The following ANKRD30B variants were observed in gnomAD, a reference collection of about 807,000 sequenced individuals.
ANKRD30B encodes the protein ankyrin repeat domain 30B.
A neutral mutation model predicts 202.2 loss-of-function variants in ANKRD30B; 144 were observed. The ratio of observed to expected loss-of-function variants is 0.71; its 90% CI spans 0.62 to 0.82. The LOEUF (loss-of-function observed/expected upper bound fraction) is 0.82. Among genes scored for constraint, ANKRD30B ranks in the 40% least tolerant of loss-of-function variants. ANKRD30B has a pLI of 0.00. For missense variants in ANKRD30B, 1,487 were observed against 1,669.1 expected, an observed-to-expected ratio of 0.89 and a Z score of 1.90; for synonymous variants, 508 against 561.3, an observed-to-expected ratio of 0.91 and a Z score of 1.34.
chr18:14,821,727 G>T (rs1280271294), intron 30 of ANKRD30B, among the ~76,000 whole-genome samples: 1 of 152,184 alleles, frequency 6.6e-6, no homozygotes, highest in Non-Finnish European at 1.5e-5. Context: ...CAAGGTTCTG[G>T]AGTTACAGGC....
intron 24 of ANKRD30B, among the ~76,000 whole-genome samples, chr18:14,804,484 A>G (rs1336532575): frequency 6.7e-6 from 1 of 148,318 alleles, no homozygotes; most frequent in African/African-American, 2.5e-5. Flanking sequence ...CCTTGTTAAC[A>G]ATTCACACTG....
intron 3 of ANKRD30B, among the ~76,000 whole-genome samples, chr18:14,753,644 A>T: frequency 6.6e-6 from 1 of 152,156 alleles, no homozygotes; most frequent in African/African-American, 2.4e-5. Context: ...TAATTCATTA[A>T]TACTGGGGTT....
chr18:14,764,423 A>C (rs1210121531), intron 7 of ANKRD30B, among the ~76,000 whole-genome samples: 1 of 151,958 alleles, frequency 6.6e-6, no homozygotes, highest in Non-Finnish European at 1.5e-5. Context: ...GGAGTCTCGC[A>C]CTGTTGCCTG....
chr18:14,881,988 C>A, the ANKRD30B span, among the ~76,000 whole-genome samples: 1 of 152,048 alleles, frequency 6.6e-6, no homozygotes, highest in South Asian at 2.1e-4. Context: ...TTTGGATTTT[C>A]TCTCTTCTTT....
rs1598720523 is a variant in ANKRD30B, at chr18:14,849,009, T to A, written c.3395+80T>A. On this transcript the variant is annotated intron_variant, in intron 40 of 43. Transcript: ENST00000690538. ...AGGATACTTTTTGTAAAAGCTGACT[T>A]ACCTTCTGAGATTTAACTGGAGAAA... The A allele has an allele frequency of 5.2e-6, 7 of 1,348,592 alleles. No homozygotes were observed. In the East Asian group the frequency reaches 2.0e-4, roughly 39 times the overall value. The allele number at this position is 1,348,592 out of a possible 1,614,324, so 83.5% of individuals were successfully genotyped here.
chr18:14,875,996 T>G, the ANKRD30B span, among the ~76,000 whole-genome samples: 12 of 152,132 alleles, frequency 7.9e-5, no homozygotes, highest in Non-Finnish European at 1.0e-4. Context: ...AAGGTGGTCT[T>G]GCCTGAAACT....
At chr18:14,936,775 T>C in the ANKRD30B span, among the ~76,000 whole-genome samples, 1 of 152,176 alleles carries the variant, frequency 6.6e-6, no homozygotes, top group Non-Finnish European at 1.5e-5. Context: ...TCAGAGTAAC[T>C]GAGGCTTCAC....
chr18:14,762,443 A>C (rs1295544585), intron 6 of ANKRD30B, among the ~76,000 whole-genome samples: 1 of 152,220 alleles, frequency 6.6e-6, no homozygotes, highest in Non-Finnish European at 1.5e-5. Context: ...TGAGTGCAGA[A>C]GTCAGAAAAG....
rs1478291910 is a variant in ANKRD30B, at chr18:14,854,534, C to T, written c.*376C>T. 6.6e-6 allele frequency among the ~76,000 whole-genome samples: 1 copy of T among 152,098 alleles called. No individual in the cohort carries two copies. Among genetic ancestry groups the T allele is most frequent in the Non-Finnish European group, 1.5e-5 (1 of 68,030 alleles). ...CAGTGTTTTCAGTTATTTTTCTTGG[C>T]TGTAGGAATGTCACAATGGACTGCA... On this transcript the variant is annotated 3_prime_UTR_variant, in exon 44 of 44. Coordinates refer to ENST00000690538, the MANE Select transcript of ANKRD30B (RefSeq NM_001367607.2).
At chr18:14,756,415 C>A (rs1045965508) in intron 4 of ANKRD30B, among the ~76,000 whole-genome samples, 1 of 152,102 alleles carries the variant, frequency 6.6e-6, no homozygotes, top group Non-Finnish European at 1.5e-5. Context: ...TTAATTAGAT[C>A]CCATTTGTCA....
chr18:14,849,362 C>T (rs1472848468), intron 40 of ANKRD30B, among the ~76,000 whole-genome samples: 1 of 151,582 alleles, frequency 6.6e-6, no homozygotes, highest in South Asian at 2.1e-4. Context: ...AAATTGTTCT[C>T]AAGAAAATTT....
At chr18:14,870,919 C>T in the ANKRD30B span, among the ~76,000 whole-genome samples, 149,958 of 150,764 alleles carry the variant, frequency 0.99, 74,584 homozygotes, top group Middle Eastern at 1. Flanking sequence ...CTGCTGCCCC[C>T]GCCCAAACAT....
chr18:14,871,304 C>G, the ANKRD30B span, among the ~76,000 whole-genome samples: 8 of 135,412 alleles, frequency 5.9e-5, no homozygotes, highest in Non-Finnish European at 1.1e-4. Flanking sequence ...GGGTCACATA[C>G]CAATTCCCAC....
chr18:14,757,954 T>C lies in ANKRD30B; in HGVS notation c.755+2T>C. ...TGCTGCTGCTTGTGGAGTTAATTAG[T>C]AAGTGTTTACATTTAAAGGCTAGGT... On this transcript the variant is annotated splice_donor_variant, in intron 5 of 43. Coordinates refer to ENST00000690538, the MANE Select transcript of ANKRD30B (RefSeq NM_001367607.2). LOFTEE classifies it high-confidence loss of function. 6.3e-7 allele frequency: 1 copy of C among 1,582,874 alleles called. No individual in the cohort carries two copies. The highest frequency in any genetic ancestry group is 1.1e-5 in the South Asian group (1 of 87,578).
intron 33 of ANKRD30B, 112 bp from the exon 34 acceptor site, chr18:14,831,271 C>T: frequency 3.0e-6 from 2 of 661,418 alleles, no homozygotes; most frequent in East Asian, 5.9e-5. Context: ...GATCTTTCCC[C>T]AGATTTTGTT....
In ANKRD30B at chr18:14,852,388, G is replaced by A; in HGVS notation, c.4444G>A (p.Asp1482Asn). Residue 1482 changes from aspartate to asparagine, a missense_variant, in exon 42 of 44, where the codon GAT becomes AAT. By Grantham distance (23) the Asp-to-Asn change is conservative. This residue lies in a region of ANKRD30B where 182 missense variants were observed against 216.0 expected (regional missense o/e 0.84). Transcript: ENST00000690538. ...TGGTAACCATTTAAAAGAACGTATA[G>A]ATCAATATGAAAAAGAGAAAGCAGA... ...NYGNHLKERIDQYEKEKAERE... is the reference protein window; with the variant it reads ...NYGNHLKERINQYEKEKAERE... 2 of 1,526,820 alleles carry A rather than the reference G, an allele frequency of 1.3e-6. No homozygotes were observed. The highest frequency in any genetic ancestry group is 4.9e-5 in the East Asian group (2 of 40,780). The allele number at this position is 1,526,820 out of a possible 1,614,324, so 94.6% of individuals were successfully genotyped here.
At chr18:14,916,253 G>A in the ANKRD30B span, among the ~76,000 whole-genome samples, 1 of 152,216 alleles carries the variant, frequency 6.6e-6, no homozygotes, top group African/African-American at 2.4e-5. Flanking sequence ...AGTGTGATCT[G>A]CCCTGGGATG....
rs369000955 is a variant in ANKRD30B, at chr18:14,852,497, A to AAT, written c.4476+91_4476+92dup. Reference sequence around the variant, plus strand: ...CTTGGCTAAATGCTGAATCTAGTTGAATATATATATATATAAATAGATGAT... The same window carrying AAT: ...CTTGGCTAAATGCTGAATCTAGTTGAATATATATATATATATAAATAGATGAT... On this transcript the variant is annotated intron_variant, in intron 42 of 43. Transcript: ENST00000690538. The AAT allele has an allele frequency of 3.5e-3, 4,975 of 1,406,920 alleles. 82 individuals carry two copies. In the African/African-American group the frequency reaches 0.054, roughly 15 times the overall value. The allele number at this position is 1,406,920 out of a possible 1,614,324, so 87.2% of individuals were successfully genotyped here.
chr18:14,937,855 C>T, the ANKRD30B span, among the ~76,000 whole-genome samples: 1 of 152,104 alleles, frequency 6.6e-6, no homozygotes, highest in Admixed American at 6.6e-5. Context: ...GTAACAAAAC[C>T]CCATAGAAAA....
Sources: gnomAD v4.1 joint callset for allele counts (sites outside exome capture counted in the v4.1 genomes callset) on GRCh38, gnomAD v4.1.1 for gene constraint, gnomAD v4.1.1 regional missense constraint, MANE v1.5 for transcripts, NCBI Gene and HGNC (gene_info 2026-07-23, HGNC 2026-07-21) for gene names.